POLA1: variants seen among roughly 807,000 people sequenced by gnomAD.
POLA1 encodes DNA polymerase alpha 1, catalytic subunit.
Under a neutral mutation model 124.0 loss-of-function variants are expected in POLA1, and 15 were observed. The observed-to-expected ratio is 0.12, with a 90% CI of 0.08 to 0.19. The LOEUF is 0.19. Ranked by LOEUF, POLA1 falls within the 10% of genes least tolerant of loss-of-function variation. The probability of loss-of-function intolerance (pLI) is 1.00; values close to 1 mark genes in which losing one functional copy is unlikely to be tolerated. For synonymous variants in POLA1, 408 were observed against 389.4 expected, an observed-to-expected ratio of 1.05 and a Z score of -0.56; for missense variants, 886 against 1,103.4, an observed-to-expected ratio of 0.80 and a Z score of 2.79.
At chrX:24,778,390 C>T (rs886108524) in intron 26 of POLA1, among the ~76,000 whole-genome samples, 4 of 111,267 alleles carry the variant, frequency 3.6e-5, no homozygotes, top group Non-Finnish European at 5.7e-5. Context: ...GCCACCACAC[C>T]TGGCTAATTT....
chrX:24,823,061 T>G (rs770078240), intron 31 of POLA1, among the ~76,000 whole-genome samples: 35 of 112,264 alleles, frequency 3.1e-4, no homozygotes, highest in African/African-American at 1.1e-3. Context: ...TTCCTTTTTC[T>G]CAGGTCTTAT....
intron 1 of POLA1, among the ~76,000 whole-genome samples, chrX:24,694,528 T>C (rs958259594): frequency 8.9e-6 from 1 of 112,442 alleles, no homozygotes; most frequent in African/African-American, 3.2e-5. Flanking sequence ...TAACAATTTT[T>C]CTTTCAGATT....
At chrX:24,966,503 G>A (rs1415103565) in intron 36 of POLA1, among the ~76,000 whole-genome samples, 2 of 111,749 alleles carry the variant, frequency 1.8e-5, no homozygotes, top group Admixed American at 1.9e-4. Flanking sequence ...TTAACATGAA[G>A]AATACTTAAT....
At chrX:24,788,012 A>G (rs1350212595) in intron 26 of POLA1, among the ~76,000 whole-genome samples, 1 of 112,441 alleles carries the variant, frequency 8.9e-6, no homozygotes, top group African/African-American at 3.2e-5. Flanking sequence ...AGAATCATAC[A>G]TCATAATCAA....
intron 36 of POLA1, among the ~76,000 whole-genome samples, chrX:24,985,514 A>G (rs894323985): frequency 8.9e-6 from 1 of 112,845 alleles, no homozygotes; most frequent in Non-Finnish European, 1.9e-5. Context: ...ATCTCTTTCT[A>G]GAGAAAGCCA....
intron 31 of POLA1, among the ~76,000 whole-genome samples, chrX:24,822,032 C>T (rs975531875): frequency 5.4e-5 from 6 of 110,489 alleles, no homozygotes; most frequent in African/African-American, 2.0e-4. Flanking sequence ...GGAAACCACA[C>T]AATTCAACCA....
chrX:24,852,143 T>C (rs1237629194), intron 34 of POLA1, among the ~76,000 whole-genome samples: 1 of 111,841 alleles, frequency 8.9e-6, no homozygotes, highest in Non-Finnish European at 1.9e-5. Flanking sequence ...TATTTCTGTT[T>C]AGGAGTGGGT....
intron 36 of POLA1, 67 bp downstream of exon 36, chrX:24,930,616 A>G (rs1236333533): frequency 1.4e-6 from 1 of 700,017 alleles, no homozygotes; most frequent in East Asian, 3.4e-5. Context: ...AGCCAGACCT[A>G]CTGTGTCAGG....
At chrX:24,803,660 C>T (rs777409632) in intron 26 of POLA1, among the ~76,000 whole-genome samples, 3 of 110,658 alleles carry the variant, frequency 2.7e-5, no homozygotes, top group Non-Finnish European at 5.7e-5. Context: ...ATCCTCACAA[C>T]GCTAATTATC....
chrX:24,741,941 A>G, intron 21 of POLA1, 61 bp from the exon 22 acceptor site: 1 of 1,052,012 alleles, frequency 9.5e-7, no homozygotes, highest in East Asian at 3.2e-5. Context: ...TACTGACTCA[A>G]AGTTGCTTTT....
chrX:24,696,813 C>T (rs1165952580), intron 1 of POLA1, among the ~76,000 whole-genome samples: 1 of 111,869 alleles, frequency 8.9e-6, no homozygotes, highest in African/African-American at 3.2e-5. Flanking sequence ...ACCTGGTTCT[C>T]CTACTCACTC....
chrX:24,742,603 A>G lies in POLA1; in HGVS notation c.2466+482A>G, dbSNP rs773428911. On this transcript the variant is annotated intron_variant, in intron 22 of 36. Transcript: ENST00000379068. The stretch of plus-strand genomic sequence containing the variant: ...TACTGTTTTATTAGCACTGATATTA[A>G]TTAATTCAGAAATGGGAATTGAATG... 7.1e-5 allele frequency among the ~76,000 whole-genome samples: 8 copies of G among 112,404 alleles called. No homozygotes were observed. The South Asian group carries it at 2.2e-3, about 31-fold the overall frequency.
chrX:24,919,196 G>T (rs1472122301), intron 35 of POLA1, among the ~76,000 whole-genome samples: 2 of 111,738 alleles, frequency 1.8e-5, no homozygotes, highest in East Asian at 5.6e-4. Context: ...AAATACCTTG[G>T]CTTTACTTAG....
chrX:24,821,676 A>G lies in POLA1; in HGVS notation c.3561+93A>G, dbSNP rs11573418. On this transcript the variant is annotated intron_variant, in intron 31 of 36. Transcript: ENST00000379068. ...AGTGTCTTATTTAGCATTCTCCCCA[A>G]TAATTGATGTTGTAAAGTCTGGTTA... 2,001 of 645,018 alleles carry G rather than the reference A, an allele frequency of 3.1e-3. 10 individuals are homozygous for G. The highest frequency in any genetic ancestry group is 6.1e-3 in the South Asian group (156 of 25,670). 53.2% of individuals were successfully genotyped at this position (645,018 alleles called of 1,213,427 possible).
chrX:24,924,601 G>A (rs928416685), intron 35 of POLA1, among the ~76,000 whole-genome samples: 1 of 111,906 alleles, frequency 8.9e-6, no homozygotes, highest in African/African-American at 3.3e-5. Context: ...TAGGTCAGAG[G>A]GTGTAGTGAG....
At chrX:24,837,449 A>G (rs1385742750) in intron 32 of POLA1, among the ~76,000 whole-genome samples, 1 of 112,267 alleles carries the variant, frequency 8.9e-6, no homozygotes. Context: ...ATTGCTGAGT[A>G]GTATTAGCTG....
chrX:24,863,608 A>G (rs1233292433), intron 34 of POLA1, among the ~76,000 whole-genome samples: 1 of 111,632 alleles, frequency 9.0e-6, no homozygotes, highest in Non-Finnish European at 1.9e-5. Context: ...CTTTAATCCA[A>G]AAGTCATAAA....
chrX:24,990,207 C>T (rs1463223618), intron 36 of POLA1, among the ~76,000 whole-genome samples: 5 of 112,225 alleles, frequency 4.5e-5, no homozygotes, highest in East Asian at 2.8e-4. Context: ...AATTAAATAT[C>T]CAATATCAAT....
chrX:24,808,100 T>C (rs746611091), intron 26 of POLA1, among the ~76,000 whole-genome samples: 9 of 111,959 alleles, frequency 8.0e-5, no homozygotes, highest in Non-Finnish European at 1.5e-4. Flanking sequence ...CAGGGTGAGT[T>C]GATGAGACCT....
Sources: gnomAD v4.1 joint callset for allele counts (sites outside exome capture counted in the v4.1 genomes callset) on GRCh38, gnomAD v4.1.1 for gene constraint, MANE v1.5 for transcripts, NCBI Gene and HGNC (gene_info 2026-07-23, HGNC 2026-07-21) for gene names.